Variants in CERS6 observed in about 807,000 individuals in gnomAD.
The protein encoded by CERS6 is LAG1 homolog, ceramide synthase 6.
In CERS6, 26 loss-of-function variants were observed where a neutral mutation model predicts 56.8. The ratio of observed to expected loss-of-function variants is 0.46; its 90% CI spans 0.34 to 0.63. CERS6 has a LOEUF of 0.63. Ranked by LOEUF, CERS6 falls within the 30% of genes least tolerant of loss-of-function variation. CERS6 has a pLI of 0.01. For missense variants in CERS6, 415 were observed against 467.5 expected (o/e 0.89, Z 1.04); for synonymous variants, 164 against 173.3 (o/e 0.95, Z 0.42).
intron 4 of CERS6, among the ~76,000 whole-genome samples, chr2:168,678,907 A>G: frequency 6.6e-6 from 1 of 152,204 alleles, no homozygotes; most frequent in East Asian, 1.9e-4. Flanking sequence ...GCAACATTCA[A>G]AATAGCCAAA....
At chr2:168,655,493 GGATA>G (rs1685447444) in intron 4 of CERS6, among the ~76,000 whole-genome samples, 1 of 152,178 alleles carries the variant, frequency 6.6e-6, no homozygotes, top group African/African-American at 2.4e-5. Flanking sequence ...GTCTGTCAGT[GGATA>G]GATAAAGAAA....
rs1684924917 is a variant in CERS6, at chr2:168,773,756, A to G, written c.*4094A>G. On this transcript the variant is annotated 3_prime_UTR_variant, in exon 10 of 10. Coordinates refer to ENST00000305747, the MANE Select transcript of CERS6 (RefSeq NM_203463.3). ...GGTAAAATGAAATTGTGCCATTGTC[A>G]AAGTACCCCGTAGTGATGAGCACTG... 6.6e-6 allele frequency: 1 copy of G among 152,244 alleles called. No individual in the cohort carries two copies. The highest frequency in any genetic ancestry group is 1.9e-4 in the East Asian group (1 of 5,192). 9.4% of individuals were successfully genotyped at this position (152,244 alleles called of 1,614,324 possible). A position where few individuals can be genotyped will look rare whatever the true frequency, so the allele number is the denominator to read the frequency against.
intron 8 of CERS6, among the ~76,000 whole-genome samples, chr2:168,737,048 TATCCG>T (rs1683736051): frequency 1.3e-5 from 2 of 152,232 alleles, no homozygotes; most frequent in Admixed American, 1.3e-4. Context: ...CACCACTTTT[TATCCG>T]ATCCTGTGAA....
At chr2:168,626,623 A>G (rs1464318528) in intron 3 of CERS6, among the ~76,000 whole-genome samples, 1 of 152,240 alleles carries the variant, frequency 6.6e-6, no homozygotes, top group Non-Finnish European at 1.5e-5. Flanking sequence ...AGTGGAACAC[A>G]TTGACGTCTC....
rs560453843 is a variant in CERS6 at position 168,542,751 on chromosome 2, C to T, written c.171-4845C>T. 2.6e-5 allele frequency among the ~76,000 whole-genome samples: 4 copies of T among 152,218 alleles called. No homozygotes were observed. In the South Asian group the frequency reaches 8.3e-4, roughly 32 times the overall value. On this transcript the variant is annotated intron_variant, in intron 1 of 9. Coordinates refer to ENST00000305747, the MANE Select transcript of CERS6 (RefSeq NM_203463.3). ...TTGTGCTGTTGCCAAGGCTGGAGTG[C>T]AGTGGCACAATATTGGCCCACTGCA...
chr2:168,748,420 A>G (rs1684171230), intron 8 of CERS6, among the ~76,000 whole-genome samples: 1 of 152,206 alleles, frequency 6.6e-6, no homozygotes, highest in Admixed American at 6.5e-5. Context: ...ACCCCCTGAG[A>G]TTCTGTATAC....
intron 3 of CERS6, among the ~76,000 whole-genome samples, chr2:168,610,872 A>G (rs1199923530): frequency 1.3e-5 from 2 of 152,074 alleles, no homozygotes; most frequent in African/African-American, 4.8e-5. Context: ...CAGTGGTGCA[A>G]TCTCGGCTCA....
Position 168,772,910 on chromosome 2 carries a change from GT to G in CERS6, c.*3250del, listed in dbSNP as rs1355043420. On this transcript the variant is annotated 3_prime_UTR_variant, in exon 10 of 10. Transcript: ENST00000305747. ...AATCAGATCACCTTTGATCAAAATG[GT>G]TGGTGAACCTCCACATGTCCAGTTC... is the stretch of plus-strand genomic sequence containing the variant. 2 of 152,586 alleles carry G rather than the reference GT, an allele frequency of 1.3e-5. No homozygotes were observed. Among genetic ancestry groups the G allele is most frequent in the African/African-American group, 4.8e-5 (2 of 41,444 alleles). 9.5% of individuals were successfully genotyped at this position (152,586 alleles called of 1,614,324 possible).
At chr2:168,460,395 C>T (rs1693757980) in intron 1 of CERS6, among the ~76,000 whole-genome samples, 1 of 152,030 alleles carries the variant, frequency 6.6e-6, no homozygotes, top group South Asian at 2.1e-4. Context: ...TGGGGTCTCC[C>T]TGTGTTTCCC....
At chr2:168,707,132 AT>A (rs1199479469) in intron 6 of CERS6, among the ~76,000 whole-genome samples, 3 of 152,228 alleles carry the variant, frequency 2.0e-5, no homozygotes, top group Admixed American at 2.0e-4. Context: ...ATCAGTATAC[AT>A]TTTAAAAACA....
intron 3 of CERS6, among the ~76,000 whole-genome samples, chr2:168,610,486 A>G (rs1222690868): frequency 2.0e-5 from 3 of 152,222 alleles, no homozygotes; most frequent in Non-Finnish European, 4.4e-5. Context: ...TTGTTAGCAT[A>G]ATAACAAATA....
intron 1 of CERS6, among the ~76,000 whole-genome samples, chr2:168,496,573 A>G (rs533514394): frequency 2.6e-5 from 4 of 152,282 alleles, no homozygotes; most frequent in African/African-American, 7.2e-5. Context: ...TTCTGTGTCA[A>G]ATTGATAGTG....
chr2:168,627,707 A>G lies in CERS6; in HGVS notation c.408-3278A>G, dbSNP rs73969668. The stretch of plus-strand genomic sequence containing the variant: ...TCGCTTTGAATTGATATTGTTTGGA[A>G]TGCAATTTAGTTGTCTTTTTTTTCA... On this transcript the variant is annotated intron_variant, in intron 3 of 9. Transcript: ENST00000305747. Among the ~76,000 whole-genome samples the G allele has an allele frequency of 6.5e-3, 989 of 151,558 alleles. 11 individuals carry two copies. The highest frequency in any genetic ancestry group is 0.023 in the African/African-American group (932 of 41,314).
At chr2:168,684,506 GATT>G (rs1267863290) in intron 4 of CERS6, among the ~76,000 whole-genome samples, 1 of 152,104 alleles carries the variant, frequency 6.6e-6, no homozygotes, top group Non-Finnish European at 1.5e-5. Flanking sequence ...TAAAATTGTA[GATT>G]ATCATCTCAA....
intron 3 of CERS6, among the ~76,000 whole-genome samples, chr2:168,580,975 C>T (rs1200444567): frequency 6.6e-6 from 1 of 151,472 alleles, no homozygotes; most frequent in Non-Finnish European, 1.5e-5. Flanking sequence ...GTATTCCTCT[C>T]GAGATTCTCT....
intron 4 of CERS6, among the ~76,000 whole-genome samples, chr2:168,675,063 T>C (rs760469743): frequency 2.6e-5 from 4 of 152,034 alleles, no homozygotes; most frequent in African/African-American, 9.7e-5. Flanking sequence ...AACCTCCACC[T>C]CCTGGGTTCA....
chr2:168,553,379 G>A (rs1695612549), intron 2 of CERS6, among the ~76,000 whole-genome samples: 1 of 152,074 alleles, frequency 6.6e-6, no homozygotes, highest in Non-Finnish European at 1.5e-5. Flanking sequence ...AAAATATAGT[G>A]AAAATGGGCC....
chr2:168,498,148 T>C (rs188142417), intron 1 of CERS6, among the ~76,000 whole-genome samples: 28 of 152,336 alleles, frequency 1.8e-4, no homozygotes, highest in Non-Finnish European at 3.2e-4. Flanking sequence ...ATAGTCATAT[T>C]GCTAAAGTGT....
At chr2:168,459,274 C>A (rs1693734523) in intron 1 of CERS6, among the ~76,000 whole-genome samples, 1 of 152,208 alleles carries the variant, frequency 6.6e-6, no homozygotes, top group South Asian at 2.1e-4. Flanking sequence ...AATTTGAATG[C>A]CTTCTTCTCA....
Sources: gnomAD v4.1 joint callset for allele counts (sites outside exome capture counted in the v4.1 genomes callset) on GRCh38, gnomAD v4.1.1 for gene constraint, MANE v1.5 for transcripts, NCBI Gene and HGNC (gene_info 2026-07-23, HGNC 2026-07-21) for gene names.